The following CPVL variants were observed in gnomAD, a reference collection of about 807,000 sequenced individuals.
The protein encoded by CPVL is carboxypeptidase vitellogenic like.
CPVL carries 51 observed loss-of-function variants against 63.7 expected under a neutral mutation model. That is an observed-to-expected ratio of 0.80 (90% CI 0.64 to 1.01). The LOEUF (loss-of-function observed/expected upper bound fraction) is 1.01. Among genes scored for constraint, CPVL ranks in the 50% least tolerant of loss-of-function variants. The pLI is 0.00. For synonymous variants in CPVL, 195 were observed against 206.0 expected (o/e 0.95, Z 0.46); for missense variants, 530 against 573.1 (o/e 0.92, Z 0.77).
chr7:29,141,327 G>A (rs1469251721), intron 1 of CPVL, among the ~76,000 whole-genome samples: 1 of 152,120 alleles, frequency 6.6e-6, no homozygotes, highest in East Asian at 1.9e-4. Context: ...TGAGGTGGGC[G>A]GATCATGAGG....
intron 1 of CPVL, among the ~76,000 whole-genome samples, chr7:29,136,758 C>T (rs986710503): frequency 1.3e-5 from 2 of 152,106 alleles, no homozygotes; most frequent in Admixed American, 6.6e-5. Flanking sequence ...AAGAAGAACT[C>T]AAAAACTAAA....
chr7:29,141,069 G>C (rs527610713), intron 1 of CPVL, among the ~76,000 whole-genome samples: 1 of 152,284 alleles, frequency 6.6e-6, no homozygotes, highest in East Asian at 1.9e-4. Flanking sequence ...TCAGAGGGCA[G>C]ACATCCTGCC....
At chr7:29,184,047 A>G (rs1376650207) in intron 4 of CPVL, among the ~76,000 whole-genome samples, 1 of 151,996 alleles carries the variant, frequency 6.6e-6, no homozygotes, top group Non-Finnish European at 1.5e-5. Context: ...TATTTTATAT[A>G]AGACACTTGG....
chr7:29,150,344 A>C (rs551772728), upstream of CPVL, among the ~76,000 whole-genome samples: 2 of 152,254 alleles, frequency 1.3e-5, no homozygotes, highest in Non-Finnish European at 2.9e-5. Context: ...AGTGCTTGTC[A>C]TATATAAAGG....
intron 11 of CPVL, among the ~76,000 whole-genome samples, chr7:29,031,252 A>G (rs1015856712): frequency 1.3e-5 from 2 of 152,182 alleles, no homozygotes; most frequent in African/African-American, 4.8e-5. Context: ...TTGCAGCAGC[A>G]GACAGAGAGA....
intron 3 of CPVL, chr7:29,184,593 A>G (rs1376771089): frequency 3.3e-5 from 5 of 152,154 alleles, no homozygotes; most frequent in Non-Finnish European, 5.9e-5. Context: ...AGGCCATCAC[A>G]AGAGTTTTCT....
intron 12 of CPVL, among the ~76,000 whole-genome samples, chr7:29,025,531 T>C (rs77884368): frequency 0.01 from 1,543 of 152,162 alleles, 27 homozygotes; most frequent in African/African-American, 0.034. Context: ...ATCTCCAATA[T>C]TGGGAATCAC....
rs758749292 is a variant in CPVL at position 29,096,197 on chromosome 7, T to C, written c.309A>G (p.Pro103=). The part of the protein sequence containing the change: ...FPAQIQPEDA[P]VVLWLQGGPG... ...GCCCACCCTGTAGCCAGAGAACTACTGGGGCATCTTCTGGCTGTATCTAGA... is the reference window on the plus strand; with the variant it reads ...GCCCACCCTGTAGCCAGAGAACTACCGGGGCATCTTCTGGCTGTATCTAGA... Residue 103 remains proline (P), a synonymous_variant, in exon 4 of 13, where the codon CCA becomes CCG. Transcript: ENST00000265394. The C allele has an allele frequency of 6.2e-6, 10 of 1,613,902 alleles. No individual in the cohort carries two copies. The highest frequency in any genetic ancestry group is 7.6e-6 in the Non-Finnish European group (9 of 1,179,756).
chr7:29,171,959 A>G (rs1049239438), intron 5 of CPVL, among the ~76,000 whole-genome samples: 35 of 152,170 alleles, frequency 2.3e-4, no homozygotes, highest in Non-Finnish European at 4.4e-5. Flanking sequence ...ATCTGAAGTA[A>G]TTGTCCTCCT....
chr7:29,029,124 T>G (rs1057063537), intron 12 of CPVL, among the ~76,000 whole-genome samples: 3 of 152,162 alleles, frequency 2.0e-5, no homozygotes, highest in African/African-American at 7.2e-5. Flanking sequence ...ATTGGAGTTA[T>G]AATGGCTATT....
Position 28,995,892 on chromosome 7 carries a change from AAAAAGT to A in CPVL, c.1321-16_1321-11del, listed in dbSNP as rs769170811. The A allele has an allele frequency of 2.7e-5, 40 of 1,489,672 alleles. No homozygotes were observed. The highest frequency in any genetic ancestry group is 1.3e-4 in the African/African-American group (9 of 70,674). 92.3% of individuals were successfully genotyped at this position (1,489,672 alleles called of 1,614,324 possible). A position where few individuals can be genotyped will look rare whatever the true frequency, so the allele number is the denominator to read the frequency against. The stretch of plus-strand genomic sequence containing the variant: ...CACCTCGAATAATTACCTTAAAAAG[AAAAAGT>A]AAAAGAACGGAAATTTAGAGAAATG... On this transcript the variant is annotated splice_polypyrimidine_tract_variant and intron_variant, in intron 12 of 12. Transcript: ENST00000265394.
chr7:29,143,392 T>C (rs914611665), intron 1 of CPVL, among the ~76,000 whole-genome samples: 9 of 152,202 alleles, frequency 5.9e-5, no homozygotes, highest in Non-Finnish European at 1.2e-4. Context: ...AGAATCTAGG[T>C]AGATTCTAGA....
chr7:29,126,989 T>A (rs1321964071), intron 1 of CPVL: 1 of 152,196 alleles, frequency 6.6e-6, no homozygotes, highest in Non-Finnish European at 1.5e-5. Flanking sequence ...CCTATCTCCT[T>A]TTCACAGGTT....
intron 9 of CPVL, among the ~76,000 whole-genome samples, chr7:29,068,400 T>C (rs905479992): frequency 5.3e-5 from 8 of 152,208 alleles, no homozygotes; most frequent in Non-Finnish European, 8.8e-5. Context: ...AAAAGGGTTA[T>C]CACCATAGAA....
At chr7:29,026,021 T>G (rs1479909694) in intron 12 of CPVL, among the ~76,000 whole-genome samples, 1 of 152,176 alleles carries the variant, frequency 6.6e-6, no homozygotes, top group Non-Finnish European at 1.5e-5. Flanking sequence ...AATGCATTTT[T>G]TTCTCATCAG....
intron 1 of CPVL, chr7:29,127,878 T>TA (rs1790201821): frequency 6.6e-6 from 1 of 152,222 alleles, no homozygotes; most frequent in African/African-American, 2.4e-5. Context: ...CAACTGTCCC[T>TA]AAACACACAT....
intron 11 of CPVL, among the ~76,000 whole-genome samples, chr7:29,057,120 A>G (rs1790821586): frequency 6.6e-6 from 1 of 150,930 alleles, no homozygotes; most frequent in South Asian, 2.1e-4. Context: ...CCAGCTAATA[A>G]ATTAATTAAT....
intron 2 of CPVL, among the ~76,000 whole-genome samples, chr7:29,115,550 CA>C (rs1473746579): frequency 1.3e-5 from 2 of 152,090 alleles, no homozygotes; most frequent in Non-Finnish European, 2.9e-5. Flanking sequence ...GATCACCCCC[CA>C]GGGCTGGGCA....
chr7:29,101,128 A>G (rs34886710), intron 3 of CPVL, among the ~76,000 whole-genome samples: 55 of 152,240 alleles, frequency 3.6e-4, no homozygotes, highest in Non-Finnish European at 5.3e-4. Flanking sequence ...AACTTTGGAA[A>G]GAATAAAAGA....
Sources: gnomAD v4.1 joint callset for allele counts (sites outside exome capture counted in the v4.1 genomes callset) on GRCh38, gnomAD v4.1.1 for gene constraint, MANE v1.5 for transcripts, NCBI Gene and HGNC (gene_info 2026-07-23, HGNC 2026-07-21) for gene names.